The following ERGIC3 variants were observed in gnomAD, a reference collection of about 807,000 sequenced individuals.
ERGIC3 encodes the protein endoplasmic reticulum-Golgi intermediate compartment protein 3.
In ERGIC3, 33 loss-of-function variants were observed where a neutral mutation model predicts 54.7. The observed-to-expected ratio is 0.60, with a 90% CI of 0.46 to 0.81. The LOEUF (loss-of-function observed/expected upper bound fraction) is 0.81. ERGIC3 is among the 30% of genes least tolerant of loss of function. The pLI is 0.00. For missense variants in ERGIC3, 399 were observed against 488.4 expected, an observed-to-expected ratio of 0.82 and a Z score of 1.73; for synonymous variants, 186 against 189.8, an observed-to-expected ratio of 0.98 and a Z score of 0.16.
intron 7 of ERGIC3, among the ~76,000 whole-genome samples, chr20:35,553,496 G>C (rs6142407): frequency 2.6e-5 from 4 of 152,112 alleles, no homozygotes; most frequent in African/African-American, 9.7e-5. Flanking sequence ...GGTTGGGGAA[G>C]GTGGGAGTTG....
rs750999591 is a variant in ERGIC3 at position 35,557,067 on chromosome 20, A to T, written c.974A>T (p.Tyr325Phe). The T allele has an allele frequency of 1.2e-6, 2 of 1,614,210 alleles. No individual in the cohort carries two copies. Among genetic ancestry groups the T allele is most frequent in the Non-Finnish European group, 1.7e-6 (2 of 1,180,036 alleles). The change falls in exon 11 of 13, where the codon TAT (tyrosine) becomes TTT (phenylalanine). Residue 325 changes from tyrosine (Y) to phenylalanine (F), a missense_variant. Physicochemically the swap from Tyr to Phe is conservative, Grantham distance 22. Coordinates refer to ENST00000348547, the MANE Select transcript of ERGIC3 (RefSeq NM_015966.3). ...DQGLPGVFVL[Y>F]ELSPMMVKLT... Reference sequence around the variant, plus strand: ...GGCCTTCCCGGAGTCTTCGTCCTCTATGAGCTCTCGCCCATGATGGTGAAG... The same window carrying T: ...GGCCTTCCCGGAGTCTTCGTCCTCTTTGAGCTCTCGCCCATGATGGTGAAG...
intron 7 of ERGIC3, among the ~76,000 whole-genome samples, chr20:35,552,291 A>G (rs2064685979): frequency 6.6e-6 from 1 of 152,126 alleles, no homozygotes; most frequent in African/African-American, 2.4e-5. Context: ...GGAGATTTGA[A>G]AGAAGAAAAG....
intron 1 of ERGIC3, 38 bp downstream of exon 1, chr20:35,542,223 C>T (rs752802153): frequency 6.3e-7 from 1 of 1,589,750 alleles, no homozygotes; most frequent in Non-Finnish European, 8.6e-7. Flanking sequence ...TGGAGGGGGG[C>T]GTCCTAGAGC....
chr20:35,544,579 C>T (rs969291014), intron 4 of ERGIC3: 2 of 259,230 alleles, frequency 7.7e-6, no homozygotes, highest in South Asian at 5.9e-5. Context: ...AACACCATGG[C>T]GTGCCGCTCA....
intron 7 of ERGIC3, among the ~76,000 whole-genome samples, chr20:35,551,378 C>T (rs955516840): frequency 3.3e-5 from 5 of 151,770 alleles, no homozygotes; most frequent in South Asian, 2.1e-4. Flanking sequence ...GAAATGGGAT[C>T]GTACAGCTGG....
chr20:35,544,589 A>G (rs1375742846), intron 4 of ERGIC3: 3 of 264,300 alleles, frequency 1.1e-5, no homozygotes, highest in Non-Finnish European at 2.4e-5. Flanking sequence ...CGTGCCGCTC[A>G]TACGGGGCGA....
chr20:35,557,138 G>C (rs1332213368), intron 11 of ERGIC3, 29 bp downstream of exon 11: 2 of 1,614,192 alleles, frequency 1.2e-6, no homozygotes, highest in South Asian at 2.2e-5. Flanking sequence ...CGGCCTCTGG[G>C]GGCCTGGGCC....
intron 10 of ERGIC3, 121 bp downstream of exon 10, chr20:35,556,392 CTG>C (rs2064712563): frequency 9.3e-7 from 1 of 1,073,664 alleles, no homozygotes; most frequent in Non-Finnish European, 1.4e-6. Context: ...GAATAAAAGA[CTG>C]AGGCACAGAG....
At chr20:35,548,891 G>T in intron 7 of ERGIC3, 26 bp downstream of exon 7, 1 of 1,613,542 alleles carries the variant, frequency 6.2e-7, no homozygotes, top group Non-Finnish European at 8.5e-7. Flanking sequence ...TAGCTGGGGA[G>T]ATTTAGATGC....
chr20:35,543,122 C>T, intron 4 of ERGIC3, 181 bp downstream of exon 4: 3 of 707,840 alleles, frequency 4.2e-6, no homozygotes, highest in East Asian at 3.1e-5. Context: ...ATCCTCTATA[C>T]ATATCGAGTC....
In ERGIC3 at chr20:35,557,217, G is replaced by T; in HGVS notation, c.1040G>T (p.Gly347Val). Residue 347 changes from glycine to valine, a missense_variant, in exon 12 of 13, where the codon GGT (glycine) becomes GTT (valine). Coordinates refer to ENST00000348547, the MANE Select transcript of ERGIC3 (RefSeq NM_015966.3). ...KHRSFTHFLT[G>V]VCAIIGGMFT... ...AGGTCCTTCACCCACTTCCTGACAG[G>T]TGTGTGCGCCATCATTGGGGGCATG... The T allele has an allele frequency of 1.9e-6, 3 of 1,614,192 alleles. No homozygotes were observed. Among genetic ancestry groups the T allele is most frequent in the Non-Finnish European group, 2.5e-6 (3 of 1,180,032 alleles).
chr20:35,544,446 TC>T, intron 4 of ERGIC3: 1 of 314,670 alleles, frequency 3.2e-6, no homozygotes, highest in South Asian at 3.0e-5. Flanking sequence ...TTTCTTGGCA[TC>T]AGCTTTCCTC....
chr20:35,555,157 T>TGGGATGG, intron 8 of ERGIC3, 82 bp downstream of exon 8: 2 of 1,500,840 alleles, frequency 1.3e-6, no homozygotes, highest in Non-Finnish European at 1.9e-6. Flanking sequence ...AGGAACATCC[T>TGGGATGG]GGGATGGGGT....
rs367816715 is a variant in ERGIC3 at position 35,548,490 on chromosome 20, G to A, written c.462-19G>A. On this transcript the variant is annotated intron_variant, in intron 5 of 12. Transcript: ENST00000348547. ...CTTATGCCTCTTTAACACTCTCACC[G>A]TCACTCCCTGCCCTACAGGTGCTGT... 79 of 1,612,854 alleles carry A rather than the reference G, an allele frequency of 4.9e-5. No homozygotes were observed. In the African/African-American group the frequency reaches 6.5e-4, roughly 13 times the overall value.
intron 10 of ERGIC3, 28 bp downstream of exon 10, chr20:35,556,299 C>T (rs768592534): frequency 6.2e-7 from 1 of 1,612,476 alleles, no homozygotes; most frequent in East Asian, 2.2e-5. Context: ...CTACCAGAGT[C>T]TCCTGCGCGG....
At chr20:35,545,654 T>TA (rs1451873974) in intron 4 of ERGIC3, among the ~76,000 whole-genome samples, 1 of 152,168 alleles carries the variant, frequency 6.6e-6, no homozygotes, top group African/African-American at 2.4e-5. Context: ...TACTAGTGCT[T>TA]ACACAGGTCA....
intron 8 of ERGIC3, among the ~76,000 whole-genome samples, chr20:35,555,397 C>T (rs2064705535): frequency 6.6e-6 from 1 of 152,122 alleles, no homozygotes; most frequent in African/African-American, 2.4e-5. Flanking sequence ...AGGGACCAGA[C>T]CACACCGGAC....
chr20:35,542,198 G>T lies in ERGIC3; in HGVS notation c.88+13G>T, dbSNP rs764886238. The stretch of plus-strand genomic sequence containing the variant: ...GGGGGCGCCACCGGTAGGCCGCAGC[G>T]GGGCCGGGGTCGCGTGGAGGGGGGC... On this transcript the variant is annotated intron_variant, in intron 1 of 12. Transcript: ENST00000348547. 8 of 1,582,208 alleles carry T rather than the reference G, an allele frequency of 5.1e-6. No individual in the cohort carries two copies. The highest frequency in any genetic ancestry group is 1.8e-5 in the Admixed American group (1 of 56,362).
chr20:35,551,819 G>A (rs1390265156), intron 7 of ERGIC3, among the ~76,000 whole-genome samples: 1 of 152,206 alleles, frequency 6.6e-6, no homozygotes, highest in Non-Finnish European at 1.5e-5. Flanking sequence ...ATTTAAGGGT[G>A]TGACAGGACC....
Sources: gnomAD v4.1 joint callset for allele counts (sites outside exome capture counted in the v4.1 genomes callset) on GRCh38, gnomAD v4.1.1 for gene constraint, MANE v1.5 for transcripts, NCBI Gene and HGNC (gene_info 2026-07-23, HGNC 2026-07-21) for gene names.